The following FAT3 variants were observed in gnomAD, a reference collection of about 807,000 sequenced individuals.
The protein encoded by FAT3 is protocadherin Fat 3.
A neutral mutation model predicts 310.2 loss-of-function variants in FAT3; 95 were observed. The ratio of observed to expected loss-of-function variants is 0.31; its 90% CI spans 0.26 to 0.36. The LOEUF is 0.36. Among genes scored for constraint, FAT3 ranks in the 10% least tolerant of loss-of-function variants. FAT3 has a pLI of 1.00. For missense variants in FAT3, 5,408 were observed against 5,715.6 expected, an observed-to-expected ratio of 0.95 and a Z score of 1.74; for synonymous variants, 2,314 against 2,192.9, an observed-to-expected ratio of 1.06 and a Z score of -1.54.
intron 13 of FAT3, among the ~76,000 whole-genome samples, chr11:92,825,588 T>C (rs561551759): frequency 1.3e-5 from 2 of 152,088 alleles, no homozygotes; most frequent in South Asian, 2.1e-4. Flanking sequence ...CAGGCAGCAC[T>C]GGGGTAGACA....
At chr11:92,489,445 A>G (rs1482533913) in intron 2 of FAT3, among the ~76,000 whole-genome samples, 1 of 151,910 alleles carries the variant, frequency 6.6e-6, no homozygotes, top group African/African-American at 2.4e-5. Context: ...TCTTCACTCA[A>G]TTGTGGTGAG....
rs115230122 is a variant in FAT3, at chr11:92,454,297, G to A, written c.3293-70337G>A. 2.7e-3 allele frequency among the ~76,000 whole-genome samples: 418 copies of A among 152,206 alleles called. 3 individuals are homozygous for A. Among genetic ancestry groups the A allele is most frequent in the African/African-American group, 9.0e-3 (372 of 41,534 alleles). On this transcript the variant is annotated intron_variant, in intron 2 of 27. Transcript: ENST00000525166. Reference sequence around the variant, plus strand: ...AAAAAGTATGCAAGTGATAGTATCTGACTGTTCATGAAGATTAATAAAAAA... The same window carrying A: ...AAAAAGTATGCAAGTGATAGTATCTAACTGTTCATGAAGATTAATAAAAAA...
At chr11:92,639,639 T>C (rs1156761282) in intron 3 of FAT3, among the ~76,000 whole-genome samples, 1 of 152,204 alleles carries the variant, frequency 6.6e-6, no homozygotes. Flanking sequence ...GCAACAGAAA[T>C]GCCTGAGTTG....
At chr11:92,372,454 A>G (rs996140730) in intron 2 of FAT3, among the ~76,000 whole-genome samples, 2 of 152,036 alleles carry the variant, frequency 1.3e-5, no homozygotes, top group African/African-American at 4.8e-5. Flanking sequence ...AGAAAATTAA[A>G]AAAACAAAAC....
chr11:92,248,084 C>T (rs182562067), intron 1 of FAT3, among the ~76,000 whole-genome samples: 1 of 152,170 alleles, frequency 6.6e-6, no homozygotes, highest in African/African-American at 2.4e-5. Context: ...ATGGTTTCCC[C>T]ATAGAGGATT....
intron 2 of FAT3, among the ~76,000 whole-genome samples, chr11:92,482,574 G>A (rs966162893): frequency 6.6e-6 from 1 of 152,058 alleles, no homozygotes; most frequent in African/African-American, 2.4e-5. Flanking sequence ...CACTGTCCTG[G>A]CCCCATCACA....
At chr11:92,679,391 T>C (rs762573440) in intron 3 of FAT3, among the ~76,000 whole-genome samples, 11 of 152,124 alleles carry the variant, frequency 7.2e-5, no homozygotes, top group Non-Finnish European at 1.5e-4. Flanking sequence ...TTTTCTATAA[T>C]GGCTAAACTA....
At chr11:92,236,266 G>A (rs1442490333) in intron 1 of FAT3, among the ~76,000 whole-genome samples, 7 of 152,094 alleles carry the variant, frequency 4.6e-5, no homozygotes, top group African/African-American at 1.7e-4. Context: ...TTTAAAAGTT[G>A]GAGGTACAGT....
At chr11:92,830,834 A>C (rs985286667) in intron 13 of FAT3, among the ~76,000 whole-genome samples, 5 of 152,024 alleles carry the variant, frequency 3.3e-5, no homozygotes, top group African/African-American at 1.2e-4. Flanking sequence ...CAGCTCCACA[A>C]TCAGAAAACA....
chr11:92,791,271 T>C (rs1333505795), intron 8 of FAT3, among the ~76,000 whole-genome samples: 1 of 152,140 alleles, frequency 6.6e-6, no homozygotes, highest in Non-Finnish European at 1.5e-5. Flanking sequence ...GCACTGAAGA[T>C]ACAAAAAAGA....
intron 1 of FAT3, among the ~76,000 whole-genome samples, chr11:92,287,184 A>G (rs913170792): frequency 1.3e-5 from 2 of 152,202 alleles, no homozygotes; most frequent in African/African-American, 4.8e-5. Flanking sequence ...AATAAAAACA[A>G]TCACAGCCTT....
At chr11:92,387,362 C>T (rs1389695546) in intron 2 of FAT3, among the ~76,000 whole-genome samples, 2 of 151,858 alleles carry the variant, frequency 1.3e-5, no homozygotes, top group African/African-American at 4.8e-5. Context: ...CTGGGAGTGA[C>T]AAGATCAAAT....
At chr11:92,287,453 T>G (rs540578467) in intron 1 of FAT3, among the ~76,000 whole-genome samples, 7 of 152,296 alleles carry the variant, frequency 4.6e-5, no homozygotes, top group African/African-American at 1.7e-4. Context: ...CCTTTATAAC[T>G]GCTCTGTTTC....
chr11:92,598,071 T>G (rs1267373826), intron 3 of FAT3, among the ~76,000 whole-genome samples: 1 of 151,896 alleles, frequency 6.6e-6, no homozygotes, highest in Non-Finnish European at 1.5e-5. Context: ...AGAACATGAT[T>G]TTGTCTGTAC....
At chr11:92,630,829 T>C (rs923124028) in intron 3 of FAT3, among the ~76,000 whole-genome samples, 1 of 152,202 alleles carries the variant, frequency 6.6e-6, no homozygotes, top group African/African-American at 2.4e-5. Flanking sequence ...CTTAACTCCA[T>C]GAATTTAGAA....
chr11:92,621,967 A>G (rs1941107530), intron 3 of FAT3, among the ~76,000 whole-genome samples: 1 of 152,152 alleles, frequency 6.6e-6, no homozygotes, highest in Non-Finnish European at 1.5e-5. Flanking sequence ...ATTCGAATGC[A>G]TTGACATGTT....
intron 3 of FAT3, among the ~76,000 whole-genome samples, chr11:92,593,179 A>G (rs1939526187): frequency 7.6e-6 from 1 of 132,392 alleles, no homozygotes; most frequent in Admixed American, 7.4e-5. Flanking sequence ...GTGTGTGTGC[A>G]TACCACATTT....
At chr11:92,456,629 A>G (rs1951499659) in intron 2 of FAT3, among the ~76,000 whole-genome samples, 1 of 152,214 alleles carries the variant, frequency 6.6e-6, no homozygotes, top group Non-Finnish European at 1.5e-5. Context: ...ACACCTTGAT[A>G]TGTTAGCTTT....
chr11:92,334,142 G>A (rs1286237993), intron 1 of FAT3, among the ~76,000 whole-genome samples: 5 of 152,150 alleles, frequency 3.3e-5, no homozygotes, highest in African/African-American at 7.2e-5. Context: ...TTGAGAGGCC[G>A]AGGCAGGTGG....
Sources: gnomAD v4.1 joint callset for allele counts (sites outside exome capture counted in the v4.1 genomes callset) on GRCh38, gnomAD v4.1.1 for gene constraint, MANE v1.5 for transcripts, NCBI Gene and HGNC (gene_info 2026-07-23, HGNC 2026-07-21) for gene names.